DSG2: variants seen among roughly 807,000 people sequenced by gnomAD.
DSG2 encodes desmoglein 2, also known as desmoglein-2.
A neutral mutation model predicts 75.6 loss-of-function variants in DSG2; 45 were observed. The observed-to-expected ratio is 0.60, with a 90% CI of 0.47 to 0.76. The LOEUF (loss-of-function observed/expected upper bound fraction) is 0.76, where lower values mean the gene tolerates loss of function less well. DSG2 is among the 30% of genes least tolerant of loss of function. DSG2 has a pLI of 0.00. For missense variants in DSG2, 1,267 were observed against 1,357.4 expected, an observed-to-expected ratio of 0.93 and a Z score of 1.05; for synonymous variants, 429 against 483.9, an observed-to-expected ratio of 0.89 and a Z score of 1.49.
intron 11 of DSG2, 112 bp from the exon 12 acceptor site, chr18:31,538,639 A>G: frequency 1.1e-6 from 1 of 895,864 alleles, no homozygotes; most frequent in Non-Finnish European, 1.8e-6. Flanking sequence ...AGAACAAAGT[A>G]CCTAATTGGA....
intron 8 of DSG2, among the ~76,000 whole-genome samples, chr18:31,526,547 C>T (rs907802085): frequency 4.6e-5 from 7 of 152,084 alleles, no homozygotes; most frequent in Admixed American, 2.0e-4. Flanking sequence ...TCATGTCATT[C>T]GAGACAAAAT....
At chr18:31,523,354 TCG>T (rs1316078795) in intron 6 of DSG2, among the ~76,000 whole-genome samples, 1 of 152,044 alleles carries the variant, frequency 6.6e-6, no homozygotes, top group African/African-American at 2.4e-5. Context: ...TGAGCTGAGA[TCG>T]CGCCACTGCA....
At chr18:31,539,373 C>T (rs1458478558) in intron 12 of DSG2, among the ~76,000 whole-genome samples, 1 of 152,118 alleles carries the variant, frequency 6.6e-6, no homozygotes, top group Admixed American at 6.5e-5. Flanking sequence ...GTTATGGGCA[C>T]AAGGTTTTTT....
At position 31,524,873 on chromosome 18, in the gene DSG2, T is replaced by G; in HGVS notation, c.999T>G (p.Ile333Met). 1 of 1,614,190 alleles carries G rather than the reference T, an allele frequency of 6.2e-7. No individual in the cohort carries two copies. Among genetic ancestry groups the G allele is most frequent in the Non-Finnish European group, 8.5e-7 (1 of 1,180,022 alleles). ...CAGATGCTCAAACTAACGAAGGAAT[T>G]GTGACCCTTATTAAGGTAAGTACTA... ...IETDAQTNEG[I>M]VTLIKEVDYE... is the part of the protein sequence containing the mutation. The change falls in exon 8 of 15, where the codon ATT becomes ATG. Residue 333 changes from isoleucine (I) to methionine (M), a missense_variant. By Grantham distance (10) the Ile-to-Met change is conservative (BLOSUM62 1). Transcript: ENST00000261590.
chr18:31,533,234 C>T (rs917794018), intron 9 of DSG2, among the ~76,000 whole-genome samples: 14 of 152,022 alleles, frequency 9.2e-5, no homozygotes, highest in African/African-American at 3.4e-4. Context: ...CTCAAGAATC[C>T]GAGGCAGGAG....
chr18:31,546,032 CTCCT>C lies in DSG2; in HGVS notation c.2647_2650del (p.Ser883LeufsTer19). 6.2e-7 allele frequency: 1 copy of C among 1,614,170 alleles called. No homozygotes were observed. The highest frequency in any genetic ancestry group is 8.5e-7 in the Non-Finnish European group (1 of 1,180,046). ...CTATGGTTAATTCAGAGAATACCTACTCCTCTGGCAGTAGCTTCCCAGTTCCAAA... is the reference window on the plus strand; with the variant it reads ...CTATGGTTAATTCAGAGAATACCTACCTGGCAGTAGCTTCCCAGTTCCAAA... On this transcript the variant is annotated frameshift_variant, in exon 15 of 15. Transcript: ENST00000261590. LOFTEE classifies it low-confidence loss of function (END_TRUNC).
intron 8 of DSG2, among the ~76,000 whole-genome samples, chr18:31,526,060 C>G (rs973442311): frequency 6.6e-6 from 1 of 152,174 alleles, no homozygotes; most frequent in Non-Finnish European, 1.5e-5. Flanking sequence ...AGGAGAATCA[C>G]TTGAACCTGG....
intron 9 of DSG2, among the ~76,000 whole-genome samples, chr18:31,534,017 G>C (rs931682208): frequency 2.3e-5 from 3 of 131,116 alleles, no homozygotes; most frequent in African/African-American, 5.9e-5. Flanking sequence ...TTGAGACTGA[G>C]TCTTGCTCTG....
chr18:31,528,613 A>G (rs62095223), intron 8 of DSG2, among the ~76,000 whole-genome samples: 34,732 of 151,232 alleles, frequency 0.23, 4,340 homozygotes, highest in East Asian at 0.29. Flanking sequence ...GGGAGGCTGA[A>G]GCAGGAGAAT....
In DSG2 at chr18:31,502,409, T is replaced by C. The variant is rs115984568; in HGVS notation, c.45+4113T>C. Reference sequence around the variant, plus strand: ...AAATTTACATGGGAAAAATTACACATTGAATAGGGATAAGTGTTTTTGAAA... The same window carrying C: ...AAATTTACATGGGAAAAATTACACACTGAATAGGGATAAGTGTTTTTGAAA... On this transcript the variant is annotated intron_variant, in intron 1 of 14. Coordinates refer to ENST00000261590, the MANE Select transcript of DSG2 (RefSeq NM_001943.5). 4.2e-3 allele frequency among the ~76,000 whole-genome samples: 647 copies of C among 152,324 alleles called. 5 individuals carry two copies. Among genetic ancestry groups the C allele is most frequent in the African/African-American group, 0.015 (612 of 41,580 alleles).
intron 12 of DSG2, 87 bp from the exon 13 acceptor site, chr18:31,541,106 G>A (rs1298681713): frequency 2.0e-6 from 3 of 1,531,964 alleles, no homozygotes; most frequent in African/African-American, 1.4e-5. Flanking sequence ...GTCCAGGAAG[G>A]GACATGCAAA....
At chr18:31,499,495 T>G (rs1385521157) in intron 1 of DSG2, among the ~76,000 whole-genome samples, 5 of 152,146 alleles carry the variant, frequency 3.3e-5, no homozygotes, top group Non-Finnish European at 1.5e-5. Flanking sequence ...CAGTTCATTT[T>G]CATGCTCTAT....
At chr18:31,507,912 C>G (rs1408341054) in intron 1 of DSG2, among the ~76,000 whole-genome samples, 1 of 152,162 alleles carries the variant, frequency 6.6e-6, no homozygotes, top group African/African-American at 2.4e-5. Flanking sequence ...TTTTGCTGTG[C>G]AGAAGCTCTT....
At chr18:31,505,353 G>T (rs557275785) in intron 1 of DSG2, among the ~76,000 whole-genome samples, 9 of 152,006 alleles carry the variant, frequency 5.9e-5, no homozygotes, top group Non-Finnish European at 1.3e-4. Context: ...TGATTTCCCC[G>T]CAAGGAAGTA....
At position 31,546,468 on chromosome 18, in the gene DSG2, G is replaced by A. The variant is rs150864240; in HGVS notation, c.3082G>A (p.Gly1028Ser). Reference protein sequence around the residue: ...ERESFLAPSSGVQPTLAMPNI... With the variant: ...ERESFLAPSSSVQPTLAMPNI... Reference sequence around the variant, plus strand: ...AGAGAGCTTCCTTGCCCCCAGCTCAGGTGTGCAGCCTACTCTGGCCATGCC... The same window carrying A: ...AGAGAGCTTCCTTGCCCCCAGCTCAAGTGTGCAGCCTACTCTGGCCATGCC... The change falls in exon 15 of 15, where the codon GGT becomes AGT. Residue 1028 changes from glycine (G) to serine (S), a missense_variant. Physicochemically the swap from Gly to Ser is moderately conservative, Grantham distance 56. Coordinates refer to ENST00000261590, the MANE Select transcript of DSG2 (RefSeq NM_001943.5). 3.3e-4 allele frequency: 540 copies of A among 1,614,200 alleles called. No homozygotes were observed. The African/African-American group carries it at 6.5e-3, about 19-fold the overall frequency.
Position 31,546,463 on chromosome 18 carries a change from G to A in DSG2, c.3077G>A (p.Ser1026Asn). 6.2e-6 allele frequency: 10 copies of A among 1,614,096 alleles called. No individual in the cohort carries two copies. Among genetic ancestry groups the A allele is most frequent in the Non-Finnish European group, 8.5e-6 (10 of 1,179,994 alleles). The part of the protein sequence containing the change: ...VRERESFLAP[S>N]SGVQPTLAMP... ...GAAAGAGAGAGCTTCCTTGCCCCCA[G>A]CTCAGGTGTGCAGCCTACTCTGGCC... Residue 1026 changes from serine (S) to asparagine (N), a missense_variant, in exon 15 of 15, where the codon AGC becomes AAC. Transcript: ENST00000261590.
intron 13 of DSG2, chr18:31,542,245 G>A: frequency 2.0e-6 from 1 of 510,142 alleles, no homozygotes; most frequent in Non-Finnish European, 3.6e-6. Context: ...GTAGAGGGAG[G>A]TTGAAATGCC....
At position 31,521,233 on chromosome 18, in the gene DSG2, G is replaced by T. The variant is rs199926617; in HGVS notation, c.513G>T (p.Leu171Phe). Residue 171 changes from leucine (L) to phenylalanine (F), a missense_variant, in exon 5 of 15, where the codon TTG (leucine) becomes TTT (phenylalanine). Physicochemically the swap from Leu to Phe is conservative, Grantham distance 22 (BLOSUM62 0). Transcript: ENST00000261590. ...TCTTTGTTGGGTCTGTTGAAGAGTTGAGTGCAGCACGTAAGAGTCTTTTTT... is the reference window on the plus strand; with the variant it reads ...TCTTTGTTGGGTCTGTTGAAGAGTTTAGTGCAGCACGTAAGAGTCTTTTTT... The part of the protein sequence containing the change: ...QDVFVGSVEE[L>F]SAAHTLVMKI... The T allele has an allele frequency of 1.2e-5, 19 of 1,612,228 alleles. No individual in the cohort carries two copies. In the African/African-American group the frequency reaches 2.4e-4, roughly 20 times the overall value.
intron 12 of DSG2, among the ~76,000 whole-genome samples, 179 bp downstream of exon 12, chr18:31,539,157 C>G (rs2073250923): frequency 6.6e-6 from 1 of 152,168 alleles, no homozygotes; most frequent in Non-Finnish European, 1.5e-5. Context: ...ATATAAGACT[C>G]TTCAGAATTT....
Sources: gnomAD v4.1 joint callset for allele counts (sites outside exome capture counted in the v4.1 genomes callset) on GRCh38, gnomAD v4.1.1 for gene constraint, MANE v1.5 for transcripts, NCBI Gene and HGNC (gene_info 2026-07-23, HGNC 2026-07-21) for gene names.